The following LARP4B variants were observed in gnomAD, a reference collection of about 807,000 sequenced individuals.
LARP4B encodes la-related protein 4B.
Under a neutral mutation model 89.8 loss-of-function variants are expected in LARP4B, and 12 were observed. That is an observed-to-expected ratio of 0.13 (90% CI 0.09 to 0.22). The LOEUF (loss-of-function observed/expected upper bound fraction) is 0.22. Among genes scored for constraint, LARP4B ranks in the 10% least tolerant of loss-of-function variants. The pLI is 1.00. For synonymous variants in LARP4B, 367 were observed against 363.3 expected, an observed-to-expected ratio of 1.01 and a Z score of -0.12; for missense variants, 757 against 947.7, an observed-to-expected ratio of 0.80 and a Z score of 2.64.
At chr10:957,122 C>T in the LARP4B span, among the ~76,000 whole-genome samples, 3 of 152,098 alleles carry the variant, frequency 2.0e-5, no homozygotes, top group Admixed American at 6.5e-5. Flanking sequence ...CTCTTCCTTC[C>T]GGGGAATCTG....
chr10:814,959 C>G lies in LARP4B; in HGVS notation c.1807G>C (p.Ala603Pro). Residue 603 changes from alanine (A) to proline (P), a missense_variant, in exon 16 of 18, where the codon GCT (alanine) becomes CCT (proline). Transcript: ENST00000316157. The surrounding 1 kb of genome is among the most constrained non-coding windows in gnomAD (Gnocchi z 4.4). The part of the protein sequence containing the change: ...SATYERSPSP[A>P]HLPDDPKVAE... ...ACCAATACTCACTCGGGTAAATGAG[C>G]TGGGGAGGGGGATCGCTCGTACGTT... The G allele has an allele frequency of 1.3e-6, 2 of 1,597,418 alleles. No homozygotes were observed.
In LARP4B at chr10:864,108, C is replaced by T. The variant is rs1834768736; in HGVS notation, c.289+15G>A. On this transcript the variant is annotated intron_variant, in intron 4 of 17. Coordinates refer to ENST00000316157, the MANE Select transcript of LARP4B (RefSeq NM_015155.3). ...GAAAGCAGGGGGCTGCACACCACGG[C>T]CATGCTCAACTTACCCTGCGGGCCA... 2 of 1,614,074 alleles carry T rather than the reference C, an allele frequency of 1.2e-6. No individual in the cohort carries two copies. The highest frequency in any genetic ancestry group is 1.7e-6 in the Non-Finnish European group (2 of 1,179,936).
At chr10:976,033 C>CGT in the LARP4B span, among the ~76,000 whole-genome samples, 1 of 91,804 alleles carries the variant, frequency 1.1e-5, no homozygotes, top group Non-Finnish European at 2.3e-5. Flanking sequence ...GCCTGTCGTG[C>CGT]AACGTGTGGA....
At chr10:863,420 G>A (rs1834728481) in intron 5 of LARP4B, among the ~76,000 whole-genome samples, 1 of 151,828 alleles carries the variant, frequency 6.6e-6, no homozygotes, top group South Asian at 2.1e-4. Context: ...TAGTAGAGAC[G>A]GGGTTTTACC....
chr10:915,056 C>T (rs1836782560), intron 1 of LARP4B, among the ~76,000 whole-genome samples: 1 of 152,134 alleles, frequency 6.6e-6, no homozygotes, highest in South Asian at 2.1e-4. Context: ...TTTCTTGGAG[C>T]ACTGGTCTGC....
chr10:889,552 C>T (rs1835956018), intron 1 of LARP4B, among the ~76,000 whole-genome samples: 1 of 152,238 alleles, frequency 6.6e-6, no homozygotes, highest in South Asian at 2.1e-4. Context: ...ACTTCTTTCT[C>T]ATCATGTTGA....
intron 1 of LARP4B, among the ~76,000 whole-genome samples, chr10:889,597 G>T (rs1835956984): frequency 6.6e-6 from 1 of 152,196 alleles, no homozygotes; most frequent in African/African-American, 2.4e-5. Flanking sequence ...TTTCAAAGTG[G>T]TTCTTCATGA....
At chr10:945,444 T>C in the LARP4B span, among the ~76,000 whole-genome samples, 1 of 150,420 alleles carries the variant, frequency 6.6e-6, no homozygotes, top group South Asian at 2.1e-4. Flanking sequence ...CCCAGCACTT[T>C]GGGAGGCCAA....
intron 15 of LARP4B, among the ~76,000 whole-genome samples, chr10:816,047 G>A (rs986133997): frequency 3.3e-5 from 5 of 152,222 alleles, no homozygotes; most frequent in African/African-American, 9.6e-5. Flanking sequence ...TGGCCAACAT[G>A]GTGAAACCCC....
intron 7 of LARP4B, among the ~76,000 whole-genome samples, chr10:837,066 C>T (rs1011915301): frequency 2.0e-5 from 3 of 152,176 alleles, no homozygotes; most frequent in African/African-American, 7.2e-5. Flanking sequence ...CACAAATCAC[C>T]AGCATCAGGA....
At chr10:870,649 T>C (rs967046928) in intron 3 of LARP4B, among the ~76,000 whole-genome samples, 1 of 152,240 alleles carries the variant, frequency 6.6e-6, no homozygotes, top group African/African-American at 2.4e-5. Flanking sequence ...TCGTCCCACA[T>C]GGACCCAGGC....
At chr10:905,481 G>A (rs1836463601) in intron 1 of LARP4B, among the ~76,000 whole-genome samples, 1 of 152,124 alleles carries the variant, frequency 6.6e-6, no homozygotes, top group African/African-American at 2.4e-5. Flanking sequence ...TCTAAATAGA[G>A]CAGACATAAA....
intron 1 of LARP4B, among the ~76,000 whole-genome samples, chr10:926,407 A>T (rs185870873): frequency 6.6e-6 from 1 of 152,230 alleles, no homozygotes; most frequent in Middle Eastern, 3.2e-3. Context: ...ATCTACCAAC[A>T]GCAATGGCTA....
At chr10:890,648 C>T (rs1441713911) in intron 1 of LARP4B, among the ~76,000 whole-genome samples, 2 of 152,044 alleles carry the variant, frequency 1.3e-5, no homozygotes, top group Non-Finnish European at 1.5e-5. Context: ...TCTCAGGCCT[C>T]GGATGCAATG....
intron 17 of LARP4B, among the ~76,000 whole-genome samples, chr10:813,496 C>A (rs1448750107): frequency 1.3e-5 from 2 of 152,224 alleles, no homozygotes; most frequent in African/African-American, 4.8e-5. Context: ...CCTGCTTGGG[C>A]AATGCGGAAG....
At chr10:944,866 T>G in the LARP4B span, among the ~76,000 whole-genome samples, 1 of 152,240 alleles carries the variant, frequency 6.6e-6, no homozygotes, top group East Asian at 1.9e-4. Context: ...ACACTGTGAA[T>G]CTCAGGAGTG....
the LARP4B span, among the ~76,000 whole-genome samples, chr10:977,713 A>T: frequency 3.9e-5 from 6 of 152,214 alleles, no homozygotes; most frequent in African/African-American, 1.4e-4. Flanking sequence ...ATTAGGTATT[A>T]TAAATCACCT....
chr10:856,827 GAC>G (rs1834329215), intron 5 of LARP4B, among the ~76,000 whole-genome samples: 1 of 152,226 alleles, frequency 6.6e-6, no homozygotes, highest in Admixed American at 6.5e-5. Context: ...CCTCAGGAAA[GAC>G]AGTTTAACCA....
chr10:928,451 A>T (rs1014710238), intron 1 of LARP4B, among the ~76,000 whole-genome samples: 2 of 152,250 alleles, frequency 1.3e-5, no homozygotes, highest in African/African-American at 4.8e-5. Flanking sequence ...GGAGTTTGTC[A>T]GCCACTCCTT....
Sources: allele counts gnomAD v4.1 joint callset (sites outside exome capture counted in the v4.1 genomes callset), GRCh38; gene constraint gnomAD v4.1.1; non-coding constraint Gnocchi (gnomAD v3.1); transcripts MANE v1.5; gene names NCBI Gene and HGNC (gene_info 2026-07-23, HGNC 2026-07-21).